The following KIR2DL4 variants were observed in gnomAD, a reference collection of about 807,000 sequenced individuals.
The protein encoded by KIR2DL4 is killer cell immunoglobulin-like receptor 2DL4.
Under a neutral mutation model 31.0 loss-of-function variants are expected in KIR2DL4, and 41 were observed. The observed-to-expected ratio is 1.32, with a 90% confidence interval of 1.03 to 1.72. The LOEUF is 1.72. Among genes scored for constraint, KIR2DL4 ranks in the 40% most tolerant of loss-of-function variants. The pLI is 0.00. For missense variants in KIR2DL4, 438 were observed against 353.7 expected (o/e 1.24, Z -1.91); for synonymous variants, 164 against 133.6 (o/e 1.23, Z -1.57).
intron 4 of KIR2DL4, among the ~76,000 whole-genome samples, chr19:54,807,463 G>T (rs113804843): frequency 0.022 from 3,322 of 151,274 alleles, 120 homozygotes; most frequent in Admixed American, 0.035. Flanking sequence ...TTGACATAGC[G>T]TTTCACTCTT....
chr19:54,804,871 A>C (rs752329065), exon 3 of KIR2DL4: 41 of 1,612,206 alleles, frequency 2.5e-5, no homozygotes, highest in Middle Eastern at 1.7e-4. Context: ...CTTCGGTGTC[A>C]CTATCGTCGT....
At chr19:54,813,469 A>G (rs1157701222) in intron 6 of KIR2DL4, among the ~76,000 whole-genome samples, 1 of 150,394 alleles carries the variant, frequency 6.6e-6, no homozygotes, top group Non-Finnish European at 1.5e-5. Context: ...AGAAGATTCC[A>G]TGACAGGCAG....
chr19:54,811,195 C>T (rs1302891784), intron 5 of KIR2DL4, among the ~76,000 whole-genome samples: 2 of 150,792 alleles, frequency 1.3e-5, no homozygotes, highest in East Asian at 1.9e-4. Context: ...ATCAGGAGTT[C>T]GAGATCAGCC....
chr19:54,813,185 T>A, exon 6 of KIR2DL4: 1 of 1,538,104 alleles, frequency 6.5e-7, no homozygotes. Context: ...CTCTTTACCA[T>A]CCTTCCCTTC....
intron 5 of KIR2DL4, 53 bp downstream of exon 5, chr19:54,808,936 G>A (rs796340056): frequency 2.8e-6 from 4 of 1,430,950 alleles, no homozygotes; most frequent in Admixed American, 1.7e-5. Flanking sequence ...GGAGGTAGAA[G>A]CCTTGGATTC....
chr19:54,807,197 A>G (rs2147913312), intron 4 of KIR2DL4, among the ~76,000 whole-genome samples: 2 of 150,974 alleles, frequency 1.3e-5, no homozygotes, highest in South Asian at 4.2e-4. Context: ...TGCAAATGAC[A>G]GGACGTTACT....
Position 54,805,059 on chromosome 19 carries a change from CT to C in KIR2DL4, c.344del (p.Leu115ArgfsTer2). 1 of 1,606,946 alleles carries C rather than the reference CT, an allele frequency of 6.2e-7. No individual in the cohort carries two copies. The highest frequency in any genetic ancestry group is 1.1e-5 in the South Asian group (1 of 90,332). ...TGAGTGGTCGGCACCCAGCAACCCC[CT>C]GGTGATCATGGTCACAGGTCAGAGG... On this transcript the variant is annotated frameshift_variant, in exon 3 of 8. Coordinates refer to ENST00000359085, the Ensembl canonical transcript of KIR2DL4. LOFTEE classifies it high-confidence loss of function.
At chr19:54,813,881 C>G in exon 8 of KIR2DL4, 1 of 1,612,488 alleles carries the variant, frequency 6.2e-7, no homozygotes, top group East Asian at 2.2e-5. Context: ...GACATACGCA[C>G]AGTTGGATCA....
At chr19:54,809,861 C>A (rs1569382609) in intron 5 of KIR2DL4, among the ~76,000 whole-genome samples, 1 of 151,032 alleles carries the variant, frequency 6.6e-6, no homozygotes. Flanking sequence ...TGATTAGCAA[C>A]CGTAATTCCA....
chr19:54,806,015 G>C (rs1485488219), exon 4 of KIR2DL4: 5 of 1,610,996 alleles, frequency 3.1e-6, no homozygotes, highest in Admixed American at 1.7e-5. Flanking sequence ...GAGAGAACGT[G>C]ACCTTGTCCT....
intron 4 of KIR2DL4, among the ~76,000 whole-genome samples, chr19:54,807,854 G>A (rs1601164697): frequency 6.7e-6 from 1 of 149,690 alleles, no homozygotes. Flanking sequence ...GCCAACATTT[G>A]TTTTGTCTGT....
intron 4 of KIR2DL4, 109 bp from the exon 5 acceptor site, chr19:54,808,724 G>T: frequency 1.2e-6 from 1 of 850,016 alleles, no homozygotes; most frequent in Non-Finnish European, 2.0e-6. Flanking sequence ...GACTCCCAGG[G>T]CCCAACATTA....
intron 5 of KIR2DL4, 49 bp downstream of exon 5, chr19:54,808,932 A>T (rs796499070): frequency 1.4e-6 from 2 of 1,458,984 alleles, no homozygotes; most frequent in East Asian, 4.6e-5. Context: ...CTGGGGAGGT[A>T]GAAGCCTTGG....
chr19:54,806,409 C>T (rs1284936224), intron 4 of KIR2DL4, among the ~76,000 whole-genome samples, 165 bp downstream of exon 4: 1 of 151,266 alleles, frequency 6.6e-6, no homozygotes, highest in Non-Finnish European at 1.5e-5. Context: ...CCTCCAAACC[C>T]TCCTGCATGG....
intron 5 of KIR2DL4, among the ~76,000 whole-genome samples, chr19:54,811,324 G>C (rs112954606): frequency 0.013 from 2,010 of 151,262 alleles, 112 homozygotes; most frequent in African/African-American, 0.046. Context: ...CTTCAACCAG[G>C]GAGGGAGAGG....
At chr19:54,804,917 G>C in exon 3 of KIR2DL4, 1 of 1,612,272 alleles carries the variant, frequency 6.2e-7, no homozygotes, top group Non-Finnish European at 8.5e-7. Context: ...AGAAAGATGG[G>C]GTCCCTGTCC....
chr19:54,812,529 G>A lies in KIR2DL4; in HGVS notation c.707-596G>A, dbSNP rs1305412900. 8.6e-4 allele frequency among the ~76,000 whole-genome samples: 130 copies of A among 150,710 alleles called. 4 individuals are homozygous for A. The highest frequency in any genetic ancestry group is 2.9e-3 in the African/African-American group (116 of 40,642). Reference sequence around the variant, plus strand: ...TTTGTTGCTATAAAAGAACACTTGAGCCTGGGTATCTTCTAAAGAAAAGAG... The same window carrying A: ...TTTGTTGCTATAAAAGAACACTTGAACCTGGGTATCTTCTAAAGAAAAGAG... On this transcript the variant is annotated intron_variant, in intron 5 of 7. Transcript: ENST00000359085.
chr19:54,803,825 A>C, intron 1 of KIR2DL4, 66 bp from the exon 2 acceptor site: 2 of 1,570,310 alleles, frequency 1.3e-6, no homozygotes, highest in Non-Finnish European at 1.7e-6. Flanking sequence ...CGTGGCGCCC[A>C]GTGGCTCAGG....
chr19:54,814,079 G>T (rs2061062352), exon 8 of KIR2DL4: 2 of 1,611,836 alleles, frequency 1.2e-6, no homozygotes, highest in Admixed American at 3.3e-5. Context: ...AACCCAGCTT[G>T]CCAGCTCTAA....
Sources: allele counts gnomAD v4.1 joint callset (sites outside exome capture counted in the v4.1 genomes callset), GRCh38; gene constraint gnomAD v4.1.1; transcripts MANE v1.5; gene names NCBI Gene and HGNC (gene_info 2026-07-23, HGNC 2026-07-21).